The following PALM2AKAP2 variants were observed in gnomAD, a reference collection of about 807,000 sequenced individuals.
The protein encoded by PALM2AKAP2 is PALM2 and AKAP2 fusion.
Under a neutral mutation model 71.5 loss-of-function variants are expected in PALM2AKAP2, and 37 were observed. The observed-to-expected ratio is 0.52, with a 90% CI of 0.40 to 0.68. The LOEUF (loss-of-function observed/expected upper bound fraction) is 0.68. Ranked by LOEUF, PALM2AKAP2 falls within the 30% of genes least tolerant of loss-of-function variation. The pLI is 0.00. For missense variants in PALM2AKAP2, 1,224 were observed against 1,191.8 expected, an observed-to-expected ratio of 1.03 and a Z score of -0.40; for synonymous variants, 468 against 478.8, an observed-to-expected ratio of 0.98 and a Z score of 0.29.
chr9:109,694,242 C>T (rs1338032549), intron 1 of PALM2AKAP2, among the ~76,000 whole-genome samples: 1 of 151,988 alleles, frequency 6.6e-6, no homozygotes, highest in African/African-American at 2.4e-5. Flanking sequence ...TAAAACTTTC[C>T]CTCTTTGGTT....
chr9:110,039,230 C>CA (rs989430964), intron 7 of PALM2AKAP2, among the ~76,000 whole-genome samples: 7 of 152,176 alleles, frequency 4.6e-5, no homozygotes, highest in Non-Finnish European at 2.9e-5. Flanking sequence ...GCCATAGTGA[C>CA]AGAGTGAGAC....
In PALM2AKAP2 at chr9:110,061,025, G is replaced by A. The variant is rs552067498; in HGVS notation, c.156+12170G>A. 1.2e-4 allele frequency among the ~76,000 whole-genome samples: 19 copies of A among 152,156 alleles called. No individual in the cohort carries two copies. The South Asian group carries it at 1.5e-3, about 12-fold the overall frequency. On this transcript the variant is annotated intron_variant, in intron 1 of 3. Coordinates refer to ENST00000374525, the Ensembl canonical transcript of PALM2AKAP2. Reference sequence around the variant, plus strand: ...CTTCTTCCTTAGAGACCTTTGTCCCGTTAAGGTAACCTCCTCTCCCAGCCC... The same window carrying A: ...CTTCTTCCTTAGAGACCTTTGTCCCATTAAGGTAACCTCCTCTCCCAGCCC...
chr9:110,164,528 C>CTTTT (rs35588802), intron 3 of PALM2AKAP2, among the ~76,000 whole-genome samples: 1 of 129,306 alleles, frequency 7.7e-6, no homozygotes, highest in Non-Finnish European at 1.6e-5. Flanking sequence ...ATTTAGTTTA[C>CTTTT]TTTTTTTTTT....
At chr9:110,031,502 T>A (rs1002301357) in intron 7 of PALM2AKAP2, among the ~76,000 whole-genome samples, 10 of 152,224 alleles carry the variant, frequency 6.6e-5, no homozygotes, top group Non-Finnish European at 1.0e-4. Flanking sequence ...AATAATGAGA[T>A]AATAGCTAAC....
chr9:109,869,254 T>A (rs1829539323), intron 2 of PALM2AKAP2, among the ~76,000 whole-genome samples: 3 of 152,188 alleles, frequency 2.0e-5, no homozygotes, highest in African/African-American at 7.2e-5. Flanking sequence ...CCAAATAAGA[T>A]ACCAAGGGCT....
In PALM2AKAP2 at chr9:110,136,124, C is replaced by A; in HGVS notation, c.157-3C>A. On this transcript the variant is annotated splice_polypyrimidine_tract_variant and splice_region_variant and intron_variant, in intron 1 of 3. Transcript: ENST00000374525. ...CCTGACTTTTGTTTACTCTTTATTC[C>A]AGAAGCCTCCCCAGCTTTCTGAGGA... 1.3e-6 allele frequency: 2 copies of A among 1,561,250 alleles called. No individual in the cohort carries two copies. Among genetic ancestry groups the A allele is most frequent in the Non-Finnish European group, 1.7e-6 (2 of 1,157,812 alleles).
At chr9:109,671,134 C>T (rs1044813625) in intron 1 of PALM2AKAP2, among the ~76,000 whole-genome samples, 2 of 151,908 alleles carry the variant, frequency 1.3e-5, no homozygotes, top group East Asian at 1.9e-4. Flanking sequence ...AATTAGATCC[C>T]ACATGTCATT....
At chr9:109,670,970 G>A (rs1220189430) in intron 1 of PALM2AKAP2, among the ~76,000 whole-genome samples, 1 of 151,860 alleles carries the variant, frequency 6.6e-6, no homozygotes, top group Non-Finnish European at 1.5e-5. Flanking sequence ...GGGGTTGTTT[G>A]GTTTCTTTTC....
chr9:110,135,652 G>A (rs1835846805), intron 1 of PALM2AKAP2, among the ~76,000 whole-genome samples: 1 of 152,174 alleles, frequency 6.6e-6, no homozygotes, highest in Admixed American at 6.5e-5. Flanking sequence ...CCATTAAAGG[G>A]ATCTACTGTT....
At chr9:110,123,199 T>C (rs1021101082) in intron 1 of PALM2AKAP2, among the ~76,000 whole-genome samples, 5 of 152,188 alleles carry the variant, frequency 3.3e-5, no homozygotes, top group African/African-American at 1.2e-4. Context: ...ATTAGTTTGT[T>C]AGGGTTGCCA....
intron 1 of PALM2AKAP2, among the ~76,000 whole-genome samples, chr9:109,860,160 T>C (rs1007991273): frequency 2.0e-5 from 3 of 152,238 alleles, no homozygotes; most frequent in African/African-American, 7.2e-5. Context: ...ACTTGTTAGC[T>C]GGACAGGCGA....
intron 3 of PALM2AKAP2, among the ~76,000 whole-genome samples, chr9:109,907,838 G>GC (rs1564204826): frequency 6.6e-6 from 1 of 152,212 alleles, no homozygotes; most frequent in African/African-American, 2.4e-5. Flanking sequence ...TCTTGAGGAA[G>GC]AGCAGTTTGG....
chr9:109,691,393 G>A (rs1382384432), intron 1 of PALM2AKAP2, among the ~76,000 whole-genome samples: 1 of 151,880 alleles, frequency 6.6e-6, no homozygotes, highest in Non-Finnish European at 1.5e-5. Context: ...GAGAGATAGA[G>A]GGGACCTTAC....
upstream of PALM2AKAP2, chr9:110,048,688 C>T (rs1457415565): frequency 2.0e-6 from 3 of 1,535,794 alleles, no homozygotes; most frequent in Non-Finnish European, 2.6e-6. Context: ...CGGAGGCTAC[C>T]ACTCCCTGCA....
chr9:109,680,916 T>A (rs1827722406), intron 1 of PALM2AKAP2, among the ~76,000 whole-genome samples: 1 of 152,176 alleles, frequency 6.6e-6, no homozygotes, highest in African/African-American at 2.4e-5. Context: ...ACTATCCAAG[T>A]TCATAGATTC....
chr9:109,949,215 T>G (rs1831580042), intron 6 of PALM2AKAP2, among the ~76,000 whole-genome samples: 1 of 152,236 alleles, frequency 6.6e-6, no homozygotes, highest in Admixed American at 6.5e-5. Flanking sequence ...ACAGGCCACA[T>G]GGAGCGCATG....
At chr9:109,951,965 A>C (rs1408054647) in intron 6 of PALM2AKAP2, among the ~76,000 whole-genome samples, 5 of 152,252 alleles carry the variant, frequency 3.3e-5, no homozygotes, top group Non-Finnish European at 5.9e-5. Context: ...GCTAAGTGAC[A>C]GGGTTCATCT....
intron 1 of PALM2AKAP2, among the ~76,000 whole-genome samples, chr9:109,858,741 C>T (rs1416072291): frequency 6.6e-6 from 1 of 152,188 alleles, no homozygotes. Context: ...TTTTCCACCA[C>T]AAGGGGCTTA....
chr9:109,782,253 A>G (rs1211555955), intron 1 of PALM2AKAP2, among the ~76,000 whole-genome samples: 1 of 152,204 alleles, frequency 6.6e-6, no homozygotes, highest in Admixed American at 6.5e-5. Flanking sequence ...TCTCTTGAGC[A>G]TATAAGAATA....
Sources: allele counts gnomAD v4.1 joint callset (sites outside exome capture counted in the v4.1 genomes callset), GRCh38; gene constraint gnomAD v4.1.1; transcripts MANE v1.5; gene names NCBI Gene and HGNC (gene_info 2026-07-23, HGNC 2026-07-21).